STX6: variants seen among roughly 807,000 people sequenced by gnomAD.
STX6 encodes the protein syntaxin 6.
Under a neutral mutation model 38.0 loss-of-function variants are expected in STX6, and 23 were observed. That is an observed-to-expected ratio of 0.60 (90% CI 0.43 to 0.86). The LOEUF is 0.86. Ranked by LOEUF, STX6 falls within the 40% of genes least tolerant of loss-of-function variation. The pLI is 0.00. For missense variants in STX6, 274 were observed against 312.9 expected (o/e 0.88, Z 0.94); for synonymous variants, 123 against 107.5 (o/e 1.14, Z -0.89).
chr1:181,005,988 C>T (rs1169661160), intron 1 of STX6, among the ~76,000 whole-genome samples: 1 of 152,124 alleles, frequency 6.6e-6, no homozygotes, highest in Non-Finnish European at 1.5e-5. Context: ...AAATCTCATT[C>T]AATTTCCAAA....
At chr1:181,007,933 T>C (rs1656274571) in intron 1 of STX6, among the ~76,000 whole-genome samples, 1 of 152,240 alleles carries the variant, frequency 6.6e-6, no homozygotes, top group Admixed American at 6.5e-5. Flanking sequence ...ATCTCTTCAA[T>C]AAATGTGGAT....
intron 1 of STX6, among the ~76,000 whole-genome samples, chr1:181,006,780 C>T (rs1571347025): frequency 6.6e-6 from 1 of 152,250 alleles, no homozygotes; most frequent in South Asian, 2.1e-4. Flanking sequence ...AAAAAAGCAC[C>T]TTACAATATT....
At position 180,984,789 on chromosome 1, in the gene STX6, C is replaced by T. The variant is rs1298818990; in HGVS notation, c.597-18G>A. The T allele has an allele frequency of 3.2e-6, 4 of 1,255,884 alleles. No homozygotes were observed. Among genetic ancestry groups the T allele is most frequent in the Admixed American group, 1.7e-5 (1 of 58,620 alleles). The allele number at this position is 1,255,884 out of a possible 1,614,324, so 77.8% of individuals were successfully genotyped here. A position where few individuals can be genotyped will look rare whatever the true frequency, so the allele number is the denominator to read the frequency against. ...CCAACATACTAGAGAGAAGCAGACA[C>T]AGAAGGTCGCTGGTAAGCACAAAGC... is the stretch of plus-strand genomic sequence containing the variant. On this transcript the variant is annotated intron_variant, in intron 6 of 7. Transcript: ENST00000258301.
At chr1:181,001,667 C>T (rs573048468) in intron 3 of STX6, among the ~76,000 whole-genome samples, 8 of 152,064 alleles carry the variant, frequency 5.3e-5, no homozygotes, top group Admixed American at 2.0e-4. Flanking sequence ...TTCAACAATG[C>T]GAAGTGATTA....
At chr1:180,987,266 C>T (rs745463100) in intron 6 of STX6, among the ~76,000 whole-genome samples, 3 of 152,214 alleles carry the variant, frequency 2.0e-5, no homozygotes, top group Non-Finnish European at 4.4e-5. Flanking sequence ...AGCATCCACA[C>T]ATCCTTCAGA....
chr1:180,981,877 A>C (rs1655428495), intron 7 of STX6, among the ~76,000 whole-genome samples: 1 of 152,174 alleles, frequency 6.6e-6, no homozygotes, highest in Non-Finnish European at 1.5e-5. Flanking sequence ...GCAGCATTGC[A>C]AGCTCAGGAC....
intron 2 of STX6, 133 bp downstream of exon 2, chr1:181,005,161 T>A (rs1312820967): frequency 6.8e-7 from 1 of 1,478,384 alleles, no homozygotes. Context: ...TTTAAACATG[T>A]CATGGTACAA....
At chr1:181,008,738 T>TTTTG (rs1656305594) in intron 1 of STX6, among the ~76,000 whole-genome samples, 1 of 150,806 alleles carries the variant, frequency 6.6e-6, no homozygotes, top group Admixed American at 6.6e-5. Flanking sequence ...TTTTTTTTTT[T>TTTTG]TTTTTTTTTT....
At chr1:181,018,877 G>A (rs1656645563) in intron 1 of STX6, among the ~76,000 whole-genome samples, 1 of 152,074 alleles carries the variant, frequency 6.6e-6, no homozygotes, top group African/African-American at 2.4e-5. Context: ...TTCTCCTTAG[G>A]CCAACATAAC....
intron 2 of STX6, among the ~76,000 whole-genome samples, chr1:181,004,355 C>G (rs7517523): frequency 0.11 from 16,658 of 152,180 alleles, 1,092 homozygotes; most frequent in East Asian, 0.31. Flanking sequence ...AGCCTCAGGA[C>G]GAGGGGCTGG....
chr1:181,008,738 T>TTG (rs1287486102), intron 1 of STX6, among the ~76,000 whole-genome samples: 1 of 150,806 alleles, frequency 6.6e-6, no homozygotes, highest in African/African-American at 2.4e-5. Context: ...TTTTTTTTTT[T>TTG]TTTTTTTTTT....
At position 181,021,936 on chromosome 1, in the gene STX6, T is replaced by C. The variant is rs949235387; in HGVS notation, c.35+703A>G. On this transcript the variant is annotated intron_variant, in intron 1 of 7. Transcript: ENST00000258301. The stretch of plus-strand genomic sequence containing the variant: ...ACTGTGAGAAAATTCCGGTTGCTAA[T>C]AGAAAGCTGAGGAAAGTTTGGTTTG... 5.3e-5 allele frequency among the ~76,000 whole-genome samples: 8 copies of C among 152,364 alleles called. No individual in the cohort carries two copies. The South Asian group carries it at 1.2e-3, about 24-fold the overall frequency.
chr1:181,019,352 G>GA lies in STX6; in HGVS notation c.35+3286_35+3287insT, dbSNP rs111503260. 9.4e-3 allele frequency among the ~76,000 whole-genome samples: 1,295 copies of GA among 137,820 alleles called. 20 individuals carry two copies. The highest frequency in any genetic ancestry group is 0.033 in the African/African-American group (1,226 of 37,436). The allele number at this position is 137,820 out of a possible 152,430, so 90.4% of individuals were successfully genotyped here. A position where few individuals can be genotyped will look rare whatever the true frequency, so the allele number is the denominator to read the frequency against. On this transcript the variant is annotated intron_variant, in intron 1 of 7. Transcript: ENST00000258301. ...TCAAGGTGTAGGCTGGAAATACAGAGGAAAAAAAAAAAAAAAACAGTCCCA... is the reference window on the plus strand; with the variant it reads ...TCAAGGTGTAGGCTGGAAATACAGAGAGAAAAAAAAAAAAAAAACAGTCCCA...
intron 3 of STX6, 98 bp from the exon 4 acceptor site, chr1:180,993,523 CT>C: frequency 3.2e-6 from 2 of 621,450 alleles, no homozygotes; most frequent in Non-Finnish European, 5.6e-6. Context: ...TTTATTATTA[CT>C]TTTTAAAAAG....
At chr1:180,985,414 TAAAC>T (rs1254430016) in intron 6 of STX6, among the ~76,000 whole-genome samples, 1 of 152,228 alleles carries the variant, frequency 6.6e-6, no homozygotes, top group Non-Finnish European at 1.5e-5. Flanking sequence ...AACCAGGTAA[TAAAC>T]AAAAGCACTT....
At chr1:181,005,775 A>G (rs1656206941) in intron 1 of STX6, among the ~76,000 whole-genome samples, 1 of 152,190 alleles carries the variant, frequency 6.6e-6, no homozygotes, top group South Asian at 2.1e-4. Flanking sequence ...CAATCCTACA[A>G]ATTAACTAAA....
At chr1:180,987,720 T>C (rs929046900) in intron 6 of STX6, 2 of 152,072 alleles carry the variant, frequency 1.3e-5, no homozygotes, top group Admixed American at 6.5e-5. Context: ...AAAAACAAAC[T>C]GAGGTTATGT....
At chr1:180,982,286 C>T (rs1411997522) in intron 7 of STX6, among the ~76,000 whole-genome samples, 1 of 152,094 alleles carries the variant, frequency 6.6e-6, no homozygotes, top group Non-Finnish European at 1.5e-5. Flanking sequence ...ATACAAATTG[C>T]TTGTTTGTCA....
At chr1:181,007,578 G>A (rs1451374435) in intron 1 of STX6, among the ~76,000 whole-genome samples, 1 of 152,160 alleles carries the variant, frequency 6.6e-6, no homozygotes, top group East Asian at 1.9e-4. Flanking sequence ...TCCTTCTTGA[G>A]AACTAGAAGC....
Sources: allele counts gnomAD v4.1 joint callset (sites outside exome capture counted in the v4.1 genomes callset), GRCh38; gene constraint gnomAD v4.1.1; transcripts MANE v1.5; gene names NCBI Gene and HGNC (gene_info 2026-07-23, HGNC 2026-07-21).